The following CFAP43 variants were observed in gnomAD, a reference collection of about 807,000 sequenced individuals.
CFAP43 encodes the protein cilia- and flagella-associated protein 43.
CFAP43 carries 155 observed loss-of-function variants against 218.9 expected under a neutral mutation model. That is an observed-to-expected ratio of 0.71 (90% CI 0.62 to 0.81). CFAP43 has a LOEUF of 0.81. Ranked by LOEUF, CFAP43 falls within the 30% of genes least tolerant of loss-of-function variation. CFAP43 has a pLI of 0.00. For synonymous variants in CFAP43, 645 were observed against 681.3 expected (o/e 0.95, Z 0.83); for missense variants, 1,778 against 1,954.3 (o/e 0.91, Z 1.70).
intron 34 of CFAP43, among the ~76,000 whole-genome samples, chr10:104,138,208 G>A (rs1247371446): frequency 6.6e-6 from 1 of 152,164 alleles, no homozygotes; most frequent in African/African-American, 2.4e-5. Flanking sequence ...TGTGCTGAGA[G>A]GGCATTTTAC....
intron 10 of CFAP43, 126 bp downstream of exon 10, chr10:104,196,727 G>C: frequency 1.4e-6 from 1 of 720,026 alleles, no homozygotes; most frequent in Non-Finnish European, 2.2e-6. Flanking sequence ...TGTAAATCTA[G>C]AAGGCAAAAA....
intron 26 of CFAP43, 142 bp from the exon 27 acceptor site, chr10:104,161,304 C>A (rs1288230663): frequency 1.2e-6 from 1 of 869,560 alleles, no homozygotes; most frequent in Non-Finnish European, 1.7e-6. Flanking sequence ...ACATCTTGGG[C>A]AAAAGATATT....
chr10:104,191,672 C>A (rs1277926179), intron 12 of CFAP43, among the ~76,000 whole-genome samples: 4 of 151,784 alleles, frequency 2.6e-5, no homozygotes, highest in African/African-American at 9.7e-5. Context: ...TAGGCACTCA[C>A]TAATTTTTAT....
rs2090719409 is a variant in CFAP43 at position 104,207,182 on chromosome 10, C to CA, written c.895+482dup. Among the ~76,000 whole-genome samples the CA allele has an allele frequency of 2.0e-5, 3 of 151,604 alleles. No individual in the cohort carries two copies. In the South Asian group the frequency reaches 6.3e-4, roughly 32 times the overall value. On this transcript the variant is annotated intron_variant, in intron 6 of 37. Coordinates refer to ENST00000357060, the MANE Select transcript of CFAP43 (RefSeq NM_025145.7). ...AATGAGACTCTGTCTAAAAAAAAAC[C>CA]AAAAAAACAACACCTCTAACCGAGC...
chr10:104,189,785 T>C (rs2090145837), intron 12 of CFAP43, among the ~76,000 whole-genome samples: 1 of 152,098 alleles, frequency 6.6e-6, no homozygotes, highest in Admixed American at 6.5e-5. Flanking sequence ...GGAGGATTGC[T>C]TGACTCCAGG....
At chr10:104,211,318 G>A (rs1455629597) in intron 5 of CFAP43, among the ~76,000 whole-genome samples, 1 of 152,140 alleles carries the variant, frequency 6.6e-6, no homozygotes, top group Non-Finnish European at 1.5e-5. Flanking sequence ...TAAGCTCCAT[G>A]AGAATTACAT....
intron 20 of CFAP43, among the ~76,000 whole-genome samples, chr10:104,169,941 C>A (rs1313493369): frequency 6.6e-6 from 1 of 152,066 alleles, no homozygotes; most frequent in Admixed American, 6.6e-5. Context: ...ATAATGTGTC[C>A]AGATTGTCAT....
chr10:104,147,766 A>AT, intron 29 of CFAP43, 125 bp downstream of exon 29: 1 of 502,944 alleles, frequency 2.0e-6, no homozygotes, highest in East Asian at 3.4e-5. Context: ...GAGCCAAGGG[A>AT]TGCACATGGT....
chr10:104,198,468 A>G (rs1419858714), intron 8 of CFAP43, among the ~76,000 whole-genome samples: 3 of 150,810 alleles, frequency 2.0e-5, no homozygotes, highest in Non-Finnish European at 4.4e-5. Flanking sequence ...CTTACTAGAG[A>G]CAGGGTTTCA....
intron 34 of CFAP43, among the ~76,000 whole-genome samples, chr10:104,136,506 G>A (rs2087458389): frequency 6.6e-6 from 1 of 151,798 alleles, no homozygotes; most frequent in Non-Finnish European, 1.5e-5. Context: ...GAGTGGCTGG[G>A]ATTACAGGTG....
intron 5 of CFAP43, among the ~76,000 whole-genome samples, chr10:104,211,238 G>A (rs1387454041): frequency 6.6e-6 from 1 of 152,028 alleles, no homozygotes. Flanking sequence ...ATTGCAAAAT[G>A]TGATAATTAT....
chr10:104,154,644 A>C (rs2088445326), intron 27 of CFAP43, among the ~76,000 whole-genome samples: 1 of 152,164 alleles, frequency 6.6e-6, no homozygotes, highest in Admixed American at 6.5e-5. Context: ...GATTGTCTAC[A>C]TGTCTTAGAT....
In CFAP43 at chr10:104,164,241, T is replaced by C; in HGVS notation, c.3099A>G (p.Gln1033=). The change falls in exon 24 of 38, where the codon CAA becomes CAG. Residue 1033 remains glutamine, a synonymous_variant. Transcript: ENST00000357060. ...FNNEFDAAYK[Q]KEFEIARVKE... Reference sequence around the variant, plus strand: ...TCACGCGTGCAATTTCAAACTCTTTTTGTTTATATGCAGCGTCAAACTCAT... The same window carrying C: ...TCACGCGTGCAATTTCAAACTCTTTCTGTTTATATGCAGCGTCAAACTCAT... 1 of 1,613,666 alleles carries C rather than the reference T, an allele frequency of 6.2e-7. No homozygotes were observed. Among genetic ancestry groups the C allele is most frequent in the Non-Finnish European group, 8.5e-7 (1 of 1,179,766 alleles).
intron 3 of CFAP43, among the ~76,000 whole-genome samples, chr10:104,221,102 A>G (rs2091167093): frequency 6.6e-6 from 1 of 152,032 alleles, no homozygotes; most frequent in African/African-American, 2.4e-5. Context: ...CAGCCTCCTG[A>G]GTAGCTGGGA....
intron 24 of CFAP43, 101 bp downstream of exon 24, chr10:104,163,993 C>T: frequency 1.7e-6 from 2 of 1,147,132 alleles, no homozygotes; most frequent in South Asian, 2.9e-5. Flanking sequence ...GAGAGTGCTA[C>T]CCAGTACAAT....
chr10:104,135,459 A>C (rs1424019897), intron 34 of CFAP43, among the ~76,000 whole-genome samples: 1 of 152,190 alleles, frequency 6.6e-6, no homozygotes, highest in Admixed American at 6.5e-5. Flanking sequence ...CAGATTAATG[A>C]GTCTATATAT....
At chr10:104,193,783 A>C (rs972401203) in intron 11 of CFAP43, 83 bp downstream of exon 11, 12 of 1,484,848 alleles carry the variant, frequency 8.1e-6, no homozygotes, top group Non-Finnish European at 1.1e-5. Flanking sequence ...TAAAACTTAA[A>C]ATTAAAAGAA....
At position 104,187,608 on chromosome 10, in the gene CFAP43, C is replaced by T. The variant is rs1463628504; in HGVS notation, c.1688-116G>A. ...AAATTTAAATGCTCAACTAATATTG[C>T]GGAAGCTAGTAGGTGATAAAAATGA... On this transcript the variant is annotated intron_variant, in intron 13 of 37. Transcript: ENST00000357060. 2.5e-5 allele frequency: 21 copies of T among 855,062 alleles called. No individual in the cohort carries two copies. In the Middle Eastern group the frequency reaches 9.7e-4, roughly 40 times the overall value. 53.0% of individuals were successfully genotyped at this position (855,062 alleles called of 1,614,324 possible).
chr10:104,211,450 C>G (rs2090859911), intron 5 of CFAP43, among the ~76,000 whole-genome samples: 1 of 152,190 alleles, frequency 6.6e-6, no homozygotes, highest in African/African-American at 2.4e-5. Context: ...ACCTGGCAAA[C>G]TCCCTTTTGA....
Sources: allele counts gnomAD v4.1 joint callset (sites outside exome capture counted in the v4.1 genomes callset), GRCh38; gene constraint gnomAD v4.1.1; transcripts MANE v1.5; gene names NCBI Gene and HGNC (gene_info 2026-07-23, HGNC 2026-07-21).